CKMT2: variants seen among roughly 807,000 people sequenced by gnomAD.
The protein encoded by CKMT2 is creatine kinase S-type, mitochondrial.
A neutral mutation model predicts 48.9 loss-of-function variants in CKMT2; 43 were observed. That is an observed-to-expected ratio of 0.88 (90% CI 0.69 to 1.13). CKMT2 has a LOEUF of 1.13. CKMT2 is among the 50% of genes most tolerant of loss of function. The probability of loss-of-function intolerance (pLI) is 0.00; values close to 1 mark genes in which losing one functional copy is unlikely to be tolerated. For missense variants in CKMT2, 472 were observed against 555.4 expected (o/e 0.85, Z 1.51); for synonymous variants, 206 against 213.0 (o/e 0.97, Z 0.29).
chr5:81,240,325 T>G (rs1268379936), intron 1 of CKMT2, among the ~76,000 whole-genome samples: 1 of 152,208 alleles, frequency 6.6e-6, no homozygotes, highest in African/African-American at 2.4e-5. Flanking sequence ...ACACTCAGCA[T>G]ACCTGAGAGA....
At chr5:81,238,874 T>A (rs1419378294) in intron 1 of CKMT2, 2 of 152,264 alleles carry the variant, frequency 1.3e-5, no homozygotes, top group Admixed American at 1.3e-4. Flanking sequence ...ATTATAGTGG[T>A]AGGTTTTTAT....
At position 81,257,801 on chromosome 5, in the gene CKMT2, AAAAAGGAGGC is replaced by A. The variant is rs1432915885; in HGVS notation, c.827_836del (p.Lys276IlefsTer2). Reference sequence around the variant, plus strand: ...GATCACACCAGGGTAATCTCAATGGAAAAAGGAGGCAATATGAAACGAGTATTTGAGCGAT... The same window carrying A: ...GATCACACCAGGGTAATCTCAATGGAAATATGAAACGAGTATTTGAGCGAT... On this transcript the variant is annotated frameshift_variant, in exon 7 of 10. Coordinates refer to ENST00000254035, the MANE Select transcript of CKMT2 (RefSeq NM_001099735.2). LOFTEE classifies it high-confidence loss of function. 6.2e-7 allele frequency: 1 copy of A among 1,612,462 alleles called. No homozygotes were observed. The highest frequency in any genetic ancestry group is 8.5e-7 in the Non-Finnish European group (1 of 1,178,702).
At chr5:81,253,614 G>A (rs1236724557) in intron 3 of CKMT2, among the ~76,000 whole-genome samples, 1 of 152,166 alleles carries the variant, frequency 6.6e-6, no homozygotes, top group Admixed American at 6.5e-5. Context: ...CCATAGAGAA[G>A]AGAGGGAGCC....
chr5:81,265,936 C>T (rs917102491), intron 9 of CKMT2, among the ~76,000 whole-genome samples: 4 of 152,180 alleles, frequency 2.6e-5, no homozygotes, highest in Non-Finnish European at 5.9e-5. Context: ...AAAGCTTTCA[C>T]ATACAAAGTA....
intron 1 of CKMT2, among the ~76,000 whole-genome samples, chr5:81,240,657 C>T (rs113348248): frequency 2.0e-5 from 3 of 152,158 alleles, no homozygotes; most frequent in African/African-American, 4.8e-5. Flanking sequence ...TGGTGCAGAA[C>T]AGACACTCGA....
intron 8 of CKMT2, 94 bp downstream of exon 8, chr5:81,259,348 C>T: frequency 8.9e-7 from 1 of 1,117,408 alleles, no homozygotes; most frequent in East Asian, 2.8e-5. Flanking sequence ...CATTCCTTAA[C>T]CCTTACTTTC....
At position 81,257,863 on chromosome 5, in the gene CKMT2, T is replaced by C. The variant is rs905951294; in HGVS notation, c.879+7T>C. ...CTGTCGTGGACTAAAAGAAGTAAGATGTTATCTGAGATTTCTGGATATTTA... is the reference window on the plus strand; with the variant it reads ...CTGTCGTGGACTAAAAGAAGTAAGACGTTATCTGAGATTTCTGGATATTTA... On this transcript the variant is annotated splice_region_variant and intron_variant, in intron 7 of 9. Coordinates refer to ENST00000254035, the MANE Select transcript of CKMT2 (RefSeq NM_001099735.2). 7 of 1,608,184 alleles carry C rather than the reference T, an allele frequency of 4.4e-6. No individual in the cohort carries two copies. The highest frequency in any genetic ancestry group is 4.2e-6 in the Non-Finnish European group (5 of 1,177,234).
intron 8 of CKMT2, among the ~76,000 whole-genome samples, 169 bp from the exon 9 acceptor site, chr5:81,263,322 G>C (rs1757289658): frequency 6.7e-6 from 1 of 148,726 alleles, no homozygotes; most frequent in Non-Finnish European, 1.5e-5. Flanking sequence ...GCTTTATTTA[G>C]TTAATCTATA....
At chr5:81,239,161 T>C (rs1053690062) in intron 1 of CKMT2, 53 of 152,394 alleles carry the variant, frequency 3.5e-4, no homozygotes, top group African/African-American at 1.3e-3. Flanking sequence ...CTCCAGAATC[T>C]GTCAGGGCTG....
intron 7 of CKMT2, 127 bp from the exon 8 acceptor site, chr5:81,258,993 T>C: frequency 1.1e-6 from 1 of 883,106 alleles, no homozygotes. Flanking sequence ...AAAGGAGTAC[T>C]ATAAATTTAC....
At chr5:81,238,908 C>G (rs1756341117) in intron 1 of CKMT2, 1 of 152,266 alleles carries the variant, frequency 6.6e-6, no homozygotes, top group Non-Finnish European at 1.5e-5. Context: ...CCCCACCTGG[C>G]TGTACCCTGA....
At chr5:81,249,587 G>T (rs1222116419) in intron 1 of CKMT2, among the ~76,000 whole-genome samples, 2 of 152,118 alleles carry the variant, frequency 1.3e-5, no homozygotes, top group African/African-American at 4.8e-5. Flanking sequence ...TCGTTTGTTG[G>T]TAGTTCAGTA....
At chr5:81,234,365 G>C (rs1756192230) in intron 1 of CKMT2, among the ~76,000 whole-genome samples, 2 of 152,158 alleles carry the variant, frequency 1.3e-5, no homozygotes, top group African/African-American at 4.8e-5. Context: ...CCAGTGTGCT[G>C]TTTCCAGAAG....
At chr5:81,243,456 A>T (rs1756503353) in intron 1 of CKMT2, among the ~76,000 whole-genome samples, 1 of 152,212 alleles carries the variant, frequency 6.6e-6, no homozygotes. Flanking sequence ...TTGTTGCATT[A>T]GCACAAAATA....
intron 6 of CKMT2, among the ~76,000 whole-genome samples, chr5:81,257,231 G>A (rs770564709): frequency 1.1e-4 from 17 of 151,690 alleles, no homozygotes; most frequent in Non-Finnish European, 2.4e-4. Flanking sequence ...GACCTGGTTT[G>A]CATGAATTAT....
intron 1 of CKMT2, among the ~76,000 whole-genome samples, chr5:81,233,734 T>C (rs1356215276): frequency 6.6e-6 from 1 of 152,204 alleles, no homozygotes; most frequent in Admixed American, 6.5e-5. Flanking sequence ...TTAAAGTGTC[T>C]TTCCCTTGTA....
At chr5:81,251,068 G>T in intron 1 of CKMT2, 45 bp from the exon 2 acceptor site, 1 of 1,543,456 alleles carries the variant, frequency 6.5e-7, no homozygotes, top group South Asian at 1.2e-5. Flanking sequence ...TTGTGGCTCA[G>T]GGTCATCCTA....
intron 1 of CKMT2, 83 bp downstream of exon 1, chr5:81,233,460 G>C: frequency 1.1e-6 from 1 of 931,354 alleles, no homozygotes; most frequent in Non-Finnish European, 1.3e-6. Flanking sequence ...TGGAGGAGTG[G>C]ATGCCGGGCT....
intron 1 of CKMT2, among the ~76,000 whole-genome samples, chr5:81,243,147 TCCC>T (rs945106255): frequency 6.6e-6 from 1 of 151,888 alleles, no homozygotes; most frequent in African/African-American, 2.4e-5. Context: ...ATAAGAGAGG[TCCC>T]TTGGGAAGAC....
Sources: allele counts gnomAD v4.1 joint callset (sites outside exome capture counted in the v4.1 genomes callset), GRCh38; gene constraint gnomAD v4.1.1; transcripts MANE v1.5; gene names NCBI Gene and HGNC (gene_info 2026-07-23, HGNC 2026-07-21).